Variants in MAGI2 observed in about 807,000 individuals in gnomAD.
MAGI2 encodes membrane-associated guanylate kinase, WW and PDZ domain-containing protein 2.
A neutral mutation model predicts 133.3 loss-of-function variants in MAGI2; 35 were observed. That is an observed-to-expected ratio of 0.26 (90% confidence interval 0.20 to 0.35). The LOEUF is 0.35. MAGI2 is among the 10% of genes least tolerant of loss of function. MAGI2 has a pLI of 1.00. For synonymous variants in MAGI2, 729 were observed against 710.6 expected (o/e 1.03, Z -0.41); for missense variants, 1,636 against 1,863.4 (o/e 0.88, Z 2.25).
At position 78,965,457 on chromosome 7, in the gene MAGI2, T is replaced by C. The variant is rs1361520295; in HGVS notation, c.418+41633A>G. On this transcript the variant is annotated intron_variant, in intron 2 of 21. Coordinates refer to ENST00000354212, the MANE Select transcript of MAGI2 (RefSeq NM_012301.4). ...TTAGGTGGAACAGGAGGAAGAATGA[T>C]AGAATGTAGGAGAGAAGATGGGCTA... 3.3e-5 allele frequency among the ~76,000 whole-genome samples: 5 copies of C among 151,990 alleles called. No homozygotes were observed. In the East Asian group the frequency reaches 9.7e-4, roughly 29 times the overall value.
chr7:79,230,249 C>T (rs1035215671), intron 1 of MAGI2, among the ~76,000 whole-genome samples: 2 of 150,450 alleles, frequency 1.3e-5, no homozygotes, highest in Admixed American at 6.6e-5. Context: ...CTGCAATAAA[C>T]ATACGTGTGC....
intron 20 of MAGI2, among the ~76,000 whole-genome samples, chr7:78,105,305 T>G (rs1818571905): frequency 6.6e-6 from 1 of 152,128 alleles, no homozygotes; most frequent in Non-Finnish European, 1.5e-5. Context: ...AAAACATTGC[T>G]GTTACAGACA....
At chr7:79,441,842 TA>T (rs1848515942) in intron 1 of MAGI2, among the ~76,000 whole-genome samples, 1 of 152,166 alleles carries the variant, frequency 6.6e-6, no homozygotes, top group Admixed American at 6.5e-5. Context: ...TTTTAATAAT[TA>T]TTTTTTATAA....
At chr7:78,142,128 T>C (rs1382676162) in intron 16 of MAGI2, among the ~76,000 whole-genome samples, 4 of 152,164 alleles carry the variant, frequency 2.6e-5, no homozygotes, top group Non-Finnish European at 5.9e-5. Context: ...GCTAGCTTCA[T>C]GTGACCTGGG....
intron 2 of MAGI2, among the ~76,000 whole-genome samples, chr7:78,830,053 T>G (rs982077630): frequency 1.3e-5 from 2 of 152,112 alleles, no homozygotes; most frequent in African/African-American, 4.8e-5. Flanking sequence ...CTTCATAATT[T>G]TCTATTAACA....
At chr7:78,075,262 C>T (rs1010758736) in intron 21 of MAGI2, among the ~76,000 whole-genome samples, 2 of 151,964 alleles carry the variant, frequency 1.3e-5, no homozygotes, top group Non-Finnish European at 2.9e-5. Context: ...CTGGGTGACA[C>T]CTTGTGTGAG....
At chr7:78,673,674 C>A (rs916633753) in intron 2 of MAGI2, among the ~76,000 whole-genome samples, 2 of 152,056 alleles carry the variant, frequency 1.3e-5, no homozygotes, top group Non-Finnish European at 2.9e-5. Context: ...TTGGCTGAGA[C>A]CCACTCACAT....
intron 6 of MAGI2, among the ~76,000 whole-genome samples, chr7:78,377,020 C>G (rs140549515): frequency 3.2e-4 from 49 of 152,218 alleles, no homozygotes; most frequent in African/African-American, 1.2e-3. Flanking sequence ...CTTCTAGAAG[C>G]CTGTGTTAAT....
intron 21 of MAGI2, among the ~76,000 whole-genome samples, chr7:78,068,352 G>A (rs1814070380): frequency 6.6e-6 from 1 of 152,118 alleles, no homozygotes; most frequent in African/African-American, 2.4e-5. Flanking sequence ...ACAGACCATG[G>A]ACCAGTCAGG....
intron 2 of MAGI2, among the ~76,000 whole-genome samples, chr7:78,970,195 C>T (rs972611979): frequency 6.6e-6 from 1 of 151,254 alleles, no homozygotes. Flanking sequence ...AAAACTGTGA[C>T]CTACACATAT....
intron 1 of MAGI2, among the ~76,000 whole-genome samples, chr7:79,327,153 C>A (rs1452595649): frequency 2.6e-5 from 4 of 152,082 alleles, no homozygotes; most frequent in Non-Finnish European, 4.4e-5. Context: ...TGCTGACCAG[C>A]TGAAGGCCTC....
chr7:78,937,060 A>G (rs749331110), intron 2 of MAGI2, among the ~76,000 whole-genome samples: 32 of 152,006 alleles, frequency 2.1e-4, no homozygotes, highest in Non-Finnish European at 4.0e-4. Flanking sequence ...AAAAATGGCT[A>G]ATAGCAGTTC....
chr7:78,669,023 G>T (rs1482476247), intron 2 of MAGI2, among the ~76,000 whole-genome samples: 1 of 151,978 alleles, frequency 6.6e-6, no homozygotes, highest in African/African-American at 2.4e-5. Context: ...AGAAAAGCAA[G>T]GGCAAACACA....
chr7:79,441,526 T>G (rs148966890), intron 1 of MAGI2, among the ~76,000 whole-genome samples: 1 of 152,290 alleles, frequency 6.6e-6, no homozygotes, highest in Admixed American at 6.5e-5. Flanking sequence ...TTATACAGTT[T>G]TATATTTCAT....
intron 6 of MAGI2, among the ~76,000 whole-genome samples, chr7:78,453,758 C>T (rs143202613): frequency 0.012 from 1,865 of 152,224 alleles, 30 homozygotes; most frequent in Middle Eastern, 0.051. Context: ...GTAAAATTAT[C>T]GCCATTTTAT....
chr7:78,506,605 A>G (rs751770867), intron 4 of MAGI2, among the ~76,000 whole-genome samples: 1 of 152,214 alleles, frequency 6.6e-6, no homozygotes, highest in Non-Finnish European at 1.5e-5. Flanking sequence ...TTCATGTTGC[A>G]AAAGCCAAGC....
intron 7 of MAGI2, among the ~76,000 whole-genome samples, chr7:78,357,349 A>G (rs576677545): frequency 6.6e-6 from 1 of 152,318 alleles, no homozygotes; most frequent in East Asian, 1.9e-4. Context: ...AATGGTAGCT[A>G]TTAATATTTT....
chr7:78,215,829 A>G (rs893044744), intron 10 of MAGI2, among the ~76,000 whole-genome samples: 4 of 152,226 alleles, frequency 2.6e-5, no homozygotes, highest in African/African-American at 9.6e-5. Flanking sequence ...TCTTCCACAG[A>G]TTTGGCCTTT....
At chr7:79,160,470 G>T (rs1348461072) in intron 1 of MAGI2, among the ~76,000 whole-genome samples, 2 of 152,042 alleles carry the variant, frequency 1.3e-5, no homozygotes, top group Non-Finnish European at 2.9e-5. Flanking sequence ...CCATTTTGTA[G>T]ATTGTTATCA....
Sources: allele counts gnomAD v4.1 joint callset (sites outside exome capture counted in the v4.1 genomes callset), GRCh38; gene constraint gnomAD v4.1.1; transcripts MANE v1.5; gene names NCBI Gene and HGNC (gene_info 2026-07-23, HGNC 2026-07-21).